The following FAIM2 variants were observed in gnomAD, a reference collection of about 807,000 sequenced individuals.
The protein encoded by FAIM2 is Fas apoptotic inhibitory molecule 2, also known as protein lifeguard 2.
In FAIM2, 27 loss-of-function variants were observed where a neutral mutation model predicts 47.4. That is an observed-to-expected ratio of 0.57 (90% CI 0.42 to 0.78). The LOEUF (loss-of-function observed/expected upper bound fraction) is 0.78, where lower values mean the gene tolerates loss of function less well. FAIM2 is among the 30% of genes least tolerant of loss of function. The pLI is 0.00. For missense variants in FAIM2, 311 were observed against 389.4 expected (o/e 0.80, Z 1.69); for synonymous variants, 156 against 159.3 (o/e 0.98, Z 0.16).
At chr12:49,878,040 G>T (rs1946752050) in intron 11 of FAIM2, among the ~76,000 whole-genome samples, 1 of 134,898 alleles carries the variant, frequency 7.4e-6, no homozygotes, top group Non-Finnish European at 1.6e-5. Context: ...GTATGTGTAT[G>T]CATGTGCATG....
Position 49,867,409 on chromosome 12 carries a change from G to C in FAIM2, c.*3095C>G, listed in dbSNP as rs1385801315. Reference sequence around the variant, plus strand: ...GGAGGCAAGGAGCCTTTTGGAAAATGGGTGTCTGTCCCATCCTGACTCCCT... The same window carrying C: ...GGAGGCAAGGAGCCTTTTGGAAAATCGGTGTCTGTCCCATCCTGACTCCCT... On this transcript the variant is annotated 3_prime_UTR_variant, in exon 12 of 12. Coordinates refer to ENST00000320634, the MANE Select transcript of FAIM2 (RefSeq NM_012306.4). The C allele has an allele frequency of 6.6e-6, 1 of 152,260 alleles. No individual in the cohort carries two copies. The highest frequency in any genetic ancestry group is 2.4e-5 in the African/African-American group (1 of 41,454). 9.4% of individuals were successfully genotyped at this position (152,260 alleles called of 1,614,324 possible).
intron 11 of FAIM2, among the ~76,000 whole-genome samples, chr12:49,876,018 TG>T (rs1266910520): frequency 6.6e-6 from 1 of 152,114 alleles, no homozygotes; most frequent in East Asian, 1.9e-4. Context: ...CAATAGCCTG[TG>T]GCAGTAAGTG....
Position 49,868,501 on chromosome 12 carries a change from G to A in FAIM2, c.*2003C>T, listed in dbSNP as rs547233181. The A allele has an allele frequency of 2.0e-5, 3 of 152,352 alleles. No individual in the cohort carries two copies. The highest frequency in any genetic ancestry group is 1.3e-4 in the Admixed American group (2 of 15,314). 9.4% of individuals were successfully genotyped at this position (152,352 alleles called of 1,614,324 possible). ...GCGAGGGGTTTCAGGAAAGACGGGA[G>A]GCCGGGTGGCACTGAGGACAAGAAA... is the stretch of plus-strand genomic sequence containing the variant. On this transcript the variant is annotated 3_prime_UTR_variant, in exon 12 of 12. Transcript: ENST00000320634.
At chr12:49,897,415 ATC>A (rs1946945514) in intron 4 of FAIM2, 102 bp downstream of exon 4, 1 of 1,089,144 alleles carries the variant, frequency 9.2e-7, no homozygotes. Flanking sequence ...CCCCACAGGC[ATC>A]TCTCCAGGCA....
At chr12:49,884,660 T>C (rs1391237101) in intron 11 of FAIM2, among the ~76,000 whole-genome samples, 1 of 152,184 alleles carries the variant, frequency 6.6e-6, no homozygotes, top group African/African-American at 2.4e-5. Context: ...TGGTCCTCAA[T>C]CTGCCTGTTA....
chr12:49,900,251 C>T (rs1413316961), intron 2 of FAIM2: 1 of 1,276,520 alleles, frequency 7.8e-7, no homozygotes. Flanking sequence ...GGTGGCTACT[C>T]CCTATGAGCA....
chr12:49,886,575 A>G (rs1287539988), intron 11 of FAIM2, among the ~76,000 whole-genome samples: 1 of 152,082 alleles, frequency 6.6e-6, no homozygotes, highest in Non-Finnish European at 1.5e-5. Context: ...TCCCGGGTTC[A>G]CACCATTCTC....
chr12:49,898,019 C>A lies in FAIM2; in HGVS notation c.283G>T (p.Asp95Tyr). Residue 95 changes from aspartate (D) to tyrosine (Y), a missense_variant, in exon 3 of 12, where the codon GAC becomes TAC. By Grantham distance (160) the Asp-to-Tyr change is radical. Coordinates refer to ENST00000320634, the MANE Select transcript of FAIM2 (RefSeq NM_012306.4). ...HELFTTFSWDDQKVRRVFVRK... is the reference protein window; with the variant it reads ...HELFTTFSWDYQKVRRVFVRK... ...ACAAAGACTCGACGAACTTTCTGGT[C>A]ATCCCAGCTGAAAGTGGTGAAGAGC... 1.9e-6 allele frequency: 3 copies of A among 1,613,980 alleles called. No homozygotes were observed. Among genetic ancestry groups the A allele is most frequent in the South Asian group, 1.1e-5 (1 of 91,006 alleles).
intron 5 of FAIM2, among the ~76,000 whole-genome samples, chr12:49,896,673 T>C (rs1946939515): frequency 6.6e-6 from 1 of 152,234 alleles, no homozygotes; most frequent in Non-Finnish European, 1.5e-5. Context: ...ACAACATTAA[T>C]AAGAGCAGCA....
rs781381072 is a variant in FAIM2 at position 49,889,180 on chromosome 12, C to T, written c.674G>A (p.Gly225Asp). ...AGTCATGAGAAGCACGAAGAGCACGCCCTGGCAGGAGGTGAAGTCGAACTG... is the reference window on the plus strand; with the variant it reads ...AGTCATGAGAAGCACGAAGAGCACGTCCTGGCAGGAGGTGAAGTCGAACTG... ...QTKFDFTSCQ[G>D]VLFVLLMTLF... Residue 225 changes from glycine to aspartate, a missense_variant, in exon 10 of 12, where the codon GGC becomes GAC. Coordinates refer to ENST00000320634, the MANE Select transcript of FAIM2 (RefSeq NM_012306.4). The T allele has an allele frequency of 6.2e-7, 1 of 1,611,792 alleles. No individual in the cohort carries two copies. The highest frequency in any genetic ancestry group is 8.5e-7 in the Non-Finnish European group (1 of 1,179,036).
intron 2 of FAIM2, among the ~76,000 whole-genome samples, chr12:49,898,611 G>A (rs961346284): frequency 2.0e-5 from 3 of 152,178 alleles, no homozygotes; most frequent in East Asian, 3.9e-4. Flanking sequence ...CGGCAGCCTC[G>A]ACTTCCCCTG....
At chr12:49,879,667 AGT>A (rs1339662644) in intron 11 of FAIM2, among the ~76,000 whole-genome samples, 2 of 143,406 alleles carry the variant, frequency 1.4e-5, no homozygotes, top group African/African-American at 5.0e-5. Context: ...TGTATATGTG[AGT>A]GTGTGCATGT....
At position 49,868,102 on chromosome 12, in the gene FAIM2, G is replaced by A. The variant is rs1036956429; in HGVS notation, c.*2402C>T. The A allele has an allele frequency of 6.6e-6, 1 of 152,632 alleles. No individual in the cohort carries two copies. The highest frequency in any genetic ancestry group is 6.5e-5 in the Admixed American group (1 of 15,280). 9.5% of individuals were successfully genotyped at this position (152,632 alleles called of 1,614,324 possible). ...CTGCAGTAACTTATCCCAGGGAGAG[G>A]AGAACTTGGACAAGTAGATTCTAGG... On this transcript the variant is annotated 3_prime_UTR_variant, in exon 12 of 12. Transcript: ENST00000320634.
chr12:49,875,679 A>T lies in FAIM2; in HGVS notation c.802-5026T>A, dbSNP rs146231369. Among the ~76,000 whole-genome samples, 308 of 152,298 alleles carry T rather than the reference A, an allele frequency of 2.0e-3. 3 individuals are homozygous for T. The highest frequency in any genetic ancestry group is 7.0e-3 in the African/African-American group (291 of 41,556). ...ATTAATGACACACGATTATCTATCA[A>T]CTTTTTAAAAAGTGGGCCAGGTGCG... On this transcript the variant is annotated intron_variant, in intron 11 of 11. Coordinates refer to ENST00000320634, the MANE Select transcript of FAIM2 (RefSeq NM_012306.4).
chr12:49,878,642 G>T lies in FAIM2; in HGVS notation c.802-7989C>A, dbSNP rs1398386845. ...TGCATATGTGTATGTATGTGCCCTT[G>T]TATATATGTGCGCTTGTATGTGCAT... On this transcript the variant is annotated intron_variant, in intron 11 of 11. Coordinates refer to ENST00000320634, the MANE Select transcript of FAIM2 (RefSeq NM_012306.4). Among the ~76,000 whole-genome samples, 3 of 103,536 alleles carry T rather than the reference G, an allele frequency of 2.9e-5. 1 individual carries two copies. The highest frequency in any genetic ancestry group is 5.4e-5 in the Non-Finnish European group (3 of 55,968). 67.9% of individuals were successfully genotyped at this position (103,536 alleles called of 152,430 possible).
intron 5 of FAIM2, among the ~76,000 whole-genome samples, chr12:49,895,332 C>T (rs1050747919): frequency 1.3e-5 from 2 of 151,928 alleles, no homozygotes; most frequent in Non-Finnish European, 2.9e-5. Flanking sequence ...ATCCCCCCAT[C>T]CCCCCCAATG....
intron 11 of FAIM2, among the ~76,000 whole-genome samples, chr12:49,877,241 C>T (rs1303372221): frequency 6.6e-6 from 1 of 152,160 alleles, no homozygotes; most frequent in Non-Finnish European, 1.5e-5. Flanking sequence ...ATGAACTCCT[C>T]AGGAATGAGA....
chr12:49,878,852 ATG>A (rs145337057), intron 11 of FAIM2, among the ~76,000 whole-genome samples: 62,471 of 102,106 alleles, frequency 0.61, 22,890 homozygotes, highest in African/African-American at 0.73. Context: ...GCATGTGTGT[ATG>A]TGTGTGTCTG....
At position 49,878,937 on chromosome 12, in the gene FAIM2, C is replaced by T. The variant is rs1415387978; in HGVS notation, c.802-8284G>A. On this transcript the variant is annotated intron_variant, in intron 11 of 11. Coordinates refer to ENST00000320634, the MANE Select transcript of FAIM2 (RefSeq NM_012306.4). ...GAGTGCATGTGTGTATATGTGCATG[C>T]ATGTGTGTATGTTCATGTGTATATG... 3.2e-5 allele frequency among the ~76,000 whole-genome samples: 4 copies of T among 125,642 alleles called. 1 individual carries two copies. The highest frequency in any genetic ancestry group is 6.1e-5 in the African/African-American group (2 of 33,000). The allele number at this position is 125,642 out of a possible 152,430, so 82.4% of individuals were successfully genotyped here.
Sources: allele counts gnomAD v4.1 joint callset (sites outside exome capture counted in the v4.1 genomes callset), GRCh38; gene constraint gnomAD v4.1.1; transcripts MANE v1.5; gene names NCBI Gene and HGNC (gene_info 2026-07-23, HGNC 2026-07-21).